The following PDE6B variants were observed in gnomAD, a reference collection of about 807,000 sequenced individuals.
PDE6B encodes the protein phosphodiesterase 6B, also known as rod cGMP-specific 3',5'-cyclic phosphodiesterase subunit beta.
PDE6B carries 106 observed loss-of-function variants against 109.0 expected under a neutral mutation model. The observed-to-expected ratio is 0.97, with a 90% CI of 0.83 to 1.14. The LOEUF (loss-of-function observed/expected upper bound fraction) is 1.14, where lower values mean the gene tolerates loss of function less well. Among genes scored for constraint, PDE6B ranks in the 50% most tolerant of loss-of-function variants. PDE6B has a pLI of 0.00. For missense variants in PDE6B, 1,193 were observed against 1,155.6 expected (o/e 1.03, Z -0.47); for synonymous variants, 490 against 471.3 (o/e 1.04, Z -0.51).
At chr4:651,458 C>G (rs1469518459) in intron 3 of PDE6B, 1 of 152,970 alleles carries the variant, frequency 6.5e-6, no homozygotes, top group Non-Finnish European at 1.5e-5. Context: ...CGTGCGAAGG[C>G]GCTGAGTTCG....
At chr4:651,913 G>GACATACTC (rs1735594046) in intron 3 of PDE6B, 1 of 156,520 alleles carries the variant, frequency 6.4e-6, no homozygotes, top group Non-Finnish European at 1.4e-5. Flanking sequence ...CGGGGGGTGG[G>GACATACTC]ACATACTCAG....
rs1040628827 is a variant in PDE6B, at chr4:670,322, A to C, written c.*215A>C. 1.8e-6 allele frequency: 1 copy of C among 547,648 alleles called. No homozygotes were observed. Among genetic ancestry groups the C allele is most frequent in the Non-Finnish European group, 3.0e-6 (1 of 330,946 alleles). 33.9% of individuals were successfully genotyped at this position (547,648 alleles called of 1,614,324 possible). Reference sequence around the variant, plus strand: ...CCGTGGCACGATCTCAGCTCACTGCAACCTCCACCTCCCAGGTTCAAGCGA... The same window carrying C: ...CCGTGGCACGATCTCAGCTCACTGCCACCTCCACCTCCCAGGTTCAAGCGA... On this transcript the variant is annotated 3_prime_UTR_variant, in exon 22 of 22. Coordinates refer to ENST00000496514, the MANE Select transcript of PDE6B (RefSeq NM_000283.4).
Position 626,061 on chromosome 4 carries a change from CA to C in PDE6B, c.440del (p.Lys147ArgfsTer3), listed in dbSNP as rs2109113973. 6.3e-7 allele frequency: 1 copy of C among 1,596,006 alleles called. No individual in the cohort carries two copies. Among genetic ancestry groups the C allele is most frequent in the South Asian group, 1.1e-5 (1 of 88,344 alleles). ...GGGTCGTGGGCCACGTGGCTCAGACCAAAAAGATGGTGAACGTCGAGGACGT... is the reference window on the plus strand; with the variant it reads ...GGGTCGTGGGCCACGTGGCTCAGACCAAAAGATGGTGAACGTCGAGGACGT... The part of the protein sequence containing the change: ...IGVVGHVAQT[K>X]KMVNVEDVAE... On this transcript the variant is annotated frameshift_variant, in exon 1 of 22. Coordinates refer to ENST00000496514, the MANE Select transcript of PDE6B (RefSeq NM_000283.4). LOFTEE classifies it high-confidence loss of function. This position sits in a 1 kb window ranked among gnomAD's most constrained non-coding sequence, Gnocchi z 4.6.
At chr4:628,727 G>A (rs1474608303) in intron 1 of PDE6B, among the ~76,000 whole-genome samples, 1 of 152,218 alleles carries the variant, frequency 6.6e-6, no homozygotes, top group East Asian at 1.9e-4. Context: ...CACCATGGAG[G>A]GAGGGGCTGC....
chr4:664,766 A>G, intron 17 of PDE6B, 115 bp from the exon 18 acceptor site: 2 of 846,242 alleles, frequency 2.4e-6, no homozygotes, highest in East Asian at 2.4e-5. Context: ...AGATTGCGCC[A>G]TTGCACTCCA....
chr4:626,935 G>T lies in PDE6B; in HGVS notation c.468+841G>T, dbSNP rs532349925. ...AGGGGGCTCTGAGGAAGAAGGGGAGGGGGGAAGCCCCTTCTCCCTGTCCTG... is the reference window on the plus strand; with the variant it reads ...AGGGGGCTCTGAGGAAGAAGGGGAGTGGGGAAGCCCCTTCTCCCTGTCCTG... On this transcript the variant is annotated intron_variant, in intron 1 of 21. Transcript: ENST00000496514. The surrounding 1 kb of genome is among the most constrained non-coding windows in gnomAD (Gnocchi z 4.6). Among the ~76,000 whole-genome samples the T allele has an allele frequency of 2.2e-4, 33 of 152,260 alleles. No homozygotes were observed. Among genetic ancestry groups the T allele is most frequent in the African/African-American group, 7.7e-4 (32 of 41,554 alleles).
chr4:632,583 G>A (rs1295732252), intron 1 of PDE6B, among the ~76,000 whole-genome samples: 3 of 150,508 alleles, frequency 2.0e-5, no homozygotes, highest in Non-Finnish European at 4.4e-5. Flanking sequence ...GATCTGTGTG[G>A]TGCTGTCTCA....
rs921974260 is a variant in PDE6B at position 665,260 on chromosome 4, A to G, written c.2199A>G (p.Ala733=). ...CTGCCTTCCTGTGCCTCCAGGTCGC[A>G]CTTCTCGTGGCTGCTGAGTTCTGGG... ...TKPWEVQSKV[A]LLVAAEFWEQ... is the part of the protein sequence containing the mutation. The change falls in exon 19 of 22, where the codon GCA becomes GCG. Residue 733 remains alanine, a synonymous_variant. Transcript: ENST00000496514. The surrounding 1 kb of genome is among the most constrained non-coding windows in gnomAD (Gnocchi z 4.0). The G allele has an allele frequency of 6.2e-7, 1 of 1,611,922 alleles. No homozygotes were observed. The highest frequency in any genetic ancestry group is 1.3e-5 in the African/African-American group (1 of 74,874).
intron 1 of PDE6B, among the ~76,000 whole-genome samples, chr4:628,465 C>T (rs1734227840): frequency 2.6e-5 from 4 of 152,226 alleles, no homozygotes; most frequent in Admixed American, 2.6e-4. Flanking sequence ...GGAGTCTCGC[C>T]CTCCTGAGCC....
chr4:656,741 A>G (rs1736306581), intron 8 of PDE6B, 133 bp from the exon 9 acceptor site: 1 of 754,792 alleles, frequency 1.3e-6, no homozygotes, highest in Non-Finnish European at 2.3e-6. Context: ...GGGAATGCAG[A>G]GAGCAGAGAC....
Position 634,632 on chromosome 4 carries a change from C to A in PDE6B, c.469-45C>A, listed in dbSNP as rs1485368919. On this transcript the variant is annotated intron_variant, in intron 1 of 21. Coordinates refer to ENST00000496514, the MANE Select transcript of PDE6B (RefSeq NM_000283.4). ...AACCCCAGTGGTGCGGGCTCCAGGC[C>A]CACGGTGCGACAGCCTCTTTAGCCT... 3.2e-6 allele frequency: 5 copies of A among 1,547,456 alleles called. No individual in the cohort carries two copies. In the African/African-American group the frequency reaches 5.4e-5, roughly 17 times the overall value.
Position 665,384 on chromosome 4 carries a change from T to C in PDE6B, c.2268+55T>C, listed in dbSNP as rs1737680276. The C allele has an allele frequency of 7.8e-7, 1 of 1,287,490 alleles. No individual in the cohort carries two copies. Among genetic ancestry groups the C allele is most frequent in the East Asian group, 2.3e-5 (1 of 43,196 alleles). The allele number at this position is 1,287,490 out of a possible 1,614,324, so 79.8% of individuals were successfully genotyped here. On this transcript the variant is annotated intron_variant, in intron 19 of 21. Coordinates refer to ENST00000496514, the MANE Select transcript of PDE6B (RefSeq NM_000283.4). The surrounding 1 kb of genome is among the most constrained non-coding windows in gnomAD (Gnocchi z 4.0). ...CTGAAACGGGTGTTAGAGACCCCTC[T>C]TGGTCCTCAGGAGCCTCAGGTCCTG...
At chr4:656,052 G>A in intron 7 of PDE6B, 46 bp downstream of exon 7, 1 of 1,275,904 alleles carries the variant, frequency 7.8e-7, no homozygotes, top group Non-Finnish European at 1.1e-6. Context: ...GCCCTCACTG[G>A]GTGCGGCGAT....
At chr4:646,940 C>T (rs982781110) in intron 3 of PDE6B, among the ~76,000 whole-genome samples, 17 of 151,954 alleles carry the variant, frequency 1.1e-4, no homozygotes, top group African/African-American at 4.1e-4. Context: ...TCACTGCAGC[C>T]GCCGCTTCCT....
chr4:667,898 C>A lies in PDE6B; in HGVS notation c.2395C>A (p.Arg799=). ...FHEEILPMFD[R]LQNNRKEWKA... is the part of the protein sequence containing the mutation. ...CGAAGAGATCCTGCCCATGTTCGAC[C>A]GACTGCAGAACAATAGGAAAGAGTG... Residue 799 remains arginine, a synonymous_variant, in exon 21 of 22, where the codon CGA becomes AGA. Transcript: ENST00000496514. 2 of 1,613,456 alleles carry A rather than the reference C, an allele frequency of 1.2e-6. No homozygotes were observed. The highest frequency in any genetic ancestry group is 2.2e-5 in the South Asian group (2 of 91,072).
intron 4 of PDE6B, 43 bp from the exon 5 acceptor site, chr4:654,037 G>C (rs1213805100): frequency 6.2e-7 from 1 of 1,613,526 alleles, no homozygotes; most frequent in East Asian, 2.2e-5. Context: ...GCCCGACCCA[G>C]GTCCCGCAGT....
intron 3 of PDE6B, among the ~76,000 whole-genome samples, chr4:641,740 G>C (rs561564813): frequency 1.3e-5 from 2 of 152,242 alleles, no homozygotes; most frequent in African/African-American, 4.8e-5. Flanking sequence ...TCCACCTCCC[G>C]GGTTCAAGCG....
intron 11 of PDE6B, among the ~76,000 whole-genome samples, chr4:660,093 C>T (rs1337409071): frequency 2.0e-5 from 3 of 152,040 alleles, no homozygotes; most frequent in East Asian, 3.9e-4. Context: ...GTGTCCACAC[C>T]GGTGCCTTTG....
chr4:655,850 C>A lies in PDE6B; in HGVS notation c.993-90C>A, dbSNP rs28742899. ...GTGCAGCCTAGACCAGCCCCTCTCA[C>A]CCCTGCACACAGACATCCAGTCCCT... On this transcript the variant is annotated intron_variant, in intron 6 of 21. Coordinates refer to ENST00000496514, the MANE Select transcript of PDE6B (RefSeq NM_000283.4). The A allele has an allele frequency of 0.15, 119,599 of 821,644 alleles. 9,797 individuals are homozygous for A. The highest frequency in any genetic ancestry group is 0.24 in the African/African-American group (14,170 of 59,990). The allele number at this position is 821,644 out of a possible 1,614,324, so 50.9% of individuals were successfully genotyped here. A position where few individuals can be genotyped will look rare whatever the true frequency, so the allele number is the denominator to read the frequency against.
Sources: allele counts gnomAD v4.1 joint callset (sites outside exome capture counted in the v4.1 genomes callset), GRCh38; gene constraint gnomAD v4.1.1; non-coding constraint Gnocchi (gnomAD v3.1); transcripts MANE v1.5; gene names NCBI Gene and HGNC (gene_info 2026-07-23, HGNC 2026-07-21).